The following IL3RA variants were observed in gnomAD, a reference collection of about 807,000 sequenced individuals.
IL3RA encodes interleukin-3 receptor subunit alpha.
A neutral mutation model predicts 52.3 loss-of-function variants in IL3RA; 73 were observed. That is an observed-to-expected ratio of 1.40 (90% confidence interval 1.16 to 1.70). IL3RA has a LOEUF of 1.70. Among genes scored for constraint, IL3RA ranks in the 40% most tolerant of loss-of-function variants. IL3RA has a pLI of 0.00. For synonymous variants in IL3RA, 260 were observed against 194.0 expected (o/e 1.34, Z -2.83); for missense variants, 664 against 504.4 (o/e 1.32, Z -3.03).
At chrX:1,381,172 G>T in intron 11 of IL3RA, 68 bp downstream of exon 11, 1 of 1,425,860 alleles carries the variant, frequency 7.0e-7, no homozygotes, top group East Asian at 2.3e-5. Flanking sequence ...GCCCAGGCGG[G>T]CGGACCACTT....
rs2085950291 is a variant in IL3RA at position 1,348,969 on chromosome X, C to CTCTCTATT, written c.298+429_298+430insATTTCTCT. 2.7e-5 allele frequency among the ~76,000 whole-genome samples: 4 copies of CTCTCTATT among 148,928 alleles called. No homozygotes were observed. The Admixed American group carries it at 2.7e-4, about 10-fold the overall frequency. ...TTCTTCCCTCCTTCCCTTTCTCTCT[C>CTCTCTATT]TCTCTCTTTCTCTCTTTCCCCCTCC... is the stretch of plus-strand genomic sequence containing the variant. On this transcript the variant is annotated intron_variant, in intron 4 of 11. Coordinates refer to ENST00000331035, the MANE Select transcript of IL3RA (RefSeq NM_002183.4).
chrX:1,373,823 G>A lies in IL3RA; in HGVS notation c.875-4836G>A, dbSNP rs1172783529. 5.7e-5 allele frequency among the ~76,000 whole-genome samples: 4 copies of A among 69,848 alleles called. 1 individual carries two copies. The highest frequency in any genetic ancestry group is 1.5e-4 in the Admixed American group (1 of 6,492). 45.8% of individuals were successfully genotyped at this position (69,848 alleles called of 152,430 possible). On this transcript the variant is annotated intron_variant, in intron 9 of 11. Coordinates refer to ENST00000331035, the MANE Select transcript of IL3RA (RefSeq NM_002183.4). ...GATGAGGACACAGACACACACGGAGGAACAACCCTGTGAGGACACAGGGAG... is the reference window on the plus strand; with the variant it reads ...GATGAGGACACAGACACACACGGAGAAACAACCCTGTGAGGACACAGGGAG...
rs1485255817 is a variant in IL3RA at position 1,381,038 on chromosome X, G to C, written c.996G>C (p.Gln332His). The C allele has an allele frequency of 1.9e-6, 3 of 1,613,700 alleles. No individual in the cohort carries two copies. The highest frequency in any genetic ancestry group is 2.5e-6 in the Non-Finnish European group (3 of 1,179,804). ...FVICRRYLVM[Q>H]RLFPRIPHMK... is the part of the protein sequence containing the mutation. ...TTCCTCCGAGGTATCTGGTGATGCA[G>C]AGACTCTTTCCCCGCATCCCTCACA... The change falls in exon 11 of 12, where the codon CAG becomes CAC. Residue 332 changes from glutamine to histidine, a missense_variant. Physicochemically the swap from Gln to His is conservative, Grantham distance 24. Coordinates refer to ENST00000331035, the MANE Select transcript of IL3RA (RefSeq NM_002183.4).
At position 1,352,152 on chromosome X, in the gene IL3RA, G is replaced by C; in HGVS notation, c.351G>C (p.Val117=). 3.1e-6 allele frequency: 5 copies of C among 1,613,842 alleles called. No individual in the cohort carries two copies. The highest frequency in any genetic ancestry group is 4.2e-6 in the Non-Finnish European group (5 of 1,179,824). The change falls in exon 5 of 12, where the codon GTG becomes GTC. Residue 117 remains valine, a synonymous_variant. Transcript: ENST00000331035. ...ATCTGACCTGCTGGATTCATGACGTGGATTTCTTGAGCTGCAGCTGGGCGG... is the reference window on the plus strand; with the variant it reads ...ATCTGACCTGCTGGATTCATGACGTCGATTTCTTGAGCTGCAGCTGGGCGG... ...AENLTCWIHD[V]DFLSCSWAVG...
chrX:1,342,856 C>T (rs1489683752), intron 2 of IL3RA, among the ~76,000 whole-genome samples: 3 of 151,112 alleles, frequency 2.0e-5, no homozygotes, highest in Non-Finnish European at 4.4e-5. Flanking sequence ...GGTGGACGAT[C>T]ACAAGGTCAG....
At chrX:1,360,319 T>C (rs184726983) in intron 8 of IL3RA, among the ~76,000 whole-genome samples, 4 of 138,360 alleles carry the variant, frequency 2.9e-5, no homozygotes, top group African/African-American at 1.1e-4. Flanking sequence ...TCTGTGTCTG[T>C]CTCTGTATCT....
chrX:1,359,039 G>A (rs1235264072), intron 8 of IL3RA, 152 bp downstream of exon 8: 6 of 624,356 alleles, frequency 9.6e-6, no homozygotes, highest in African/African-American at 7.8e-5. Flanking sequence ...TCAATGTTCA[G>A]TGACTTTCAT....
Position 1,348,512 on chromosome X carries a change from C to G in IL3RA, c.265C>G (p.Pro89Ala), listed in dbSNP as rs770617483. 25 of 1,613,668 alleles carry G rather than the reference C, an allele frequency of 1.5e-5. No homozygotes were observed. The highest frequency in any genetic ancestry group is 2.1e-5 in the Non-Finnish European group (25 of 1,179,750). ...TNYTVRVANPPFSTWILFPEN... is the reference protein window; with the variant it reads ...TNYTVRVANPAFSTWILFPEN... The stretch of plus-strand genomic sequence containing the variant: ...CTACACCGTCCGAGTGGCCAACCCA[C>G]CATTCTCCACGTGGATCCTCTTCCC... The change falls in exon 4 of 12, where the codon CCA (proline) becomes GCA (alanine). Residue 89 changes from proline (P) to alanine (A), a missense_variant. Physicochemically the swap from Pro to Ala is conservative, Grantham distance 27. Transcript: ENST00000331035.
chrX:1,345,817 C>G (rs1391577563), intron 3 of IL3RA, among the ~76,000 whole-genome samples: 7 of 151,942 alleles, frequency 4.6e-5, no homozygotes, highest in African/African-American at 1.5e-4. Flanking sequence ...ACGAACAAGA[C>G]GTTTCCGTCT....
chrX:1,353,567 TA>T, intron 6 of IL3RA, among the ~76,000 whole-genome samples: 1 of 143,078 alleles, frequency 7.0e-6, no homozygotes, highest in Non-Finnish European at 1.5e-5. Context: ...TCCCCCATCA[TA>T]GGTCCCATCA....
chrX:1,377,833 T>C (rs775785046), intron 9 of IL3RA, among the ~76,000 whole-genome samples: 2 of 142,446 alleles, frequency 1.4e-5, no homozygotes, highest in East Asian at 2.0e-4. Context: ...TGCAGTGAGC[T>C]GAGATAGCAC....
intron 2 of IL3RA, among the ~76,000 whole-genome samples, chrX:1,345,086 T>G (rs1309441457): frequency 5.3e-5 from 8 of 151,276 alleles, no homozygotes; most frequent in Admixed American, 2.6e-4. Flanking sequence ...GGAGAGTTGC[T>G]TGAACCAGGA....
chrX:1,348,668 TTCTTTC>T lies in IL3RA; in HGVS notation c.298+125_298+130del, dbSNP rs1267083713. ...TCTCTTTCTTTCTTTCTTTCTTTCT[TTCTTTC>T]TTTCTTTCTTTCTTTCTTTTTCTTT... On this transcript the variant is annotated intron_variant, in intron 4 of 11. Coordinates refer to ENST00000331035, the MANE Select transcript of IL3RA (RefSeq NM_002183.4). The T allele has an allele frequency of 7.1e-5, 33 of 462,910 alleles. 1 individual carries two copies. The highest frequency in any genetic ancestry group is 6.4e-4 in the Admixed American group (15 of 23,302). 28.7% of individuals were successfully genotyped at this position (462,910 alleles called of 1,614,324 possible). A position where few individuals can be genotyped will look rare whatever the true frequency, so the allele number is the denominator to read the frequency against.
chrX:1,377,574 G>A (rs1280439453), intron 9 of IL3RA, among the ~76,000 whole-genome samples: 2 of 148,468 alleles, frequency 1.3e-5, no homozygotes, highest in Non-Finnish European at 2.9e-5. Flanking sequence ...ACCAAGCTGT[G>A]GGACTTTTTT....
chrX:1,367,638 C>CGGGTGAGCCGGGTGCGCG (rs1569526853), intron 9 of IL3RA, among the ~76,000 whole-genome samples: 19 of 49,046 alleles, frequency 3.9e-4, no homozygotes, highest in African/African-American at 1.4e-3. Context: ...CGGGGTGCGC[C>CGGGTGAGCCGGGTGCGCG]GGGTGAGCCG....
At chrX:1,364,771 C>T (rs1202912821) in intron 8 of IL3RA, among the ~76,000 whole-genome samples, 3 of 149,188 alleles carry the variant, frequency 2.0e-5, no homozygotes, top group African/African-American at 7.3e-5. Context: ...AACCGTAGCA[C>T]CCAGCCCCTC....
At chrX:1,356,449 G>A in intron 7 of IL3RA, 113 bp downstream of exon 7, 1 of 664,468 alleles carries the variant, frequency 1.5e-6, no homozygotes, top group South Asian at 1.8e-5. Context: ...TAACGTCACA[G>A]AAGGCATGGA....
chrX:1,367,716 A>C (rs1273041172), intron 9 of IL3RA, among the ~76,000 whole-genome samples: 3 of 89,292 alleles, frequency 3.4e-5, no homozygotes, highest in Admixed American at 1.2e-4. Context: ...GCGCGGGGTG[A>C]GCGGGGTGCG....
intron 8 of IL3RA, 72 bp downstream of exon 8, chrX:1,358,959 A>C: frequency 9.6e-7 from 1 of 1,045,560 alleles, no homozygotes; most frequent in Non-Finnish European, 1.3e-6. Context: ...TTAAGAATAA[A>C]ATGATAAAAA....
Sources: gnomAD v4.1 joint callset for allele counts (sites outside exome capture counted in the v4.1 genomes callset) on GRCh38, gnomAD v4.1.1 for gene constraint, MANE v1.5 for transcripts, NCBI Gene and HGNC (gene_info 2026-07-23, HGNC 2026-07-21) for gene names.